WASHC2A: variants seen among roughly 807,000 people sequenced by gnomAD.
The protein encoded by WASHC2A is WASH complex subunit 2A.
In WASHC2A, 82 loss-of-function variants were observed where a neutral mutation model predicts 140.3. The ratio of observed to expected loss-of-function variants is 0.58; its 90% CI spans 0.49 to 0.70. The LOEUF is 0.70. WASHC2A is among the 30% of genes least tolerant of loss of function. WASHC2A has a pLI of 0.00. For missense variants in WASHC2A, 985 were observed against 1,521.8 expected (o/e 0.65, Z 5.87); for synonymous variants, 340 against 560.8 (o/e 0.61, Z 5.56).
intron 19 of WASHC2A, among the ~76,000 whole-genome samples, chr10:50,109,843 C>T (rs1450362482): frequency 6.6e-6 from 1 of 152,200 alleles, no homozygotes; most frequent in African/African-American, 2.4e-5. Flanking sequence ...GATCTCCGTT[C>T]ACTGCAAGCT....
At position 50,095,212 on chromosome 10, in the gene WASHC2A, C is replaced by T. The variant is rs1409142310; in HGVS notation, c.1240+5C>T. 8 of 1,568,874 alleles carry T rather than the reference C, an allele frequency of 5.1e-6. No homozygotes were observed. The East Asian group carries it at 1.6e-4, about 31-fold the overall frequency. Reference sequence around the variant, plus strand: ...GAGCTGTTTCTGTATTTTTAGGTAACATAACTTAGGTTTGTTTTCTAAAAA... The same window carrying T: ...GAGCTGTTTCTGTATTTTTAGGTAATATAACTTAGGTTTGTTTTCTAAAAA... On this transcript the variant is annotated splice_donor_5th_base_variant and intron_variant, in intron 14 of 30. Transcript: ENST00000282633.
intron 14 of WASHC2A, 137 bp downstream of exon 14, chr10:50,095,344 A>G (rs1840371286): frequency 2.1e-6 from 2 of 930,490 alleles, no homozygotes. Flanking sequence ...TCTTATAGAA[A>G]GAGCTCATTT....
Position 50,104,071 on chromosome 10 carries a change from G to A in WASHC2A, c.1665G>A (p.Lys555=). 6.7e-7 allele frequency: 1 copy of A among 1,486,996 alleles called. No homozygotes were observed. The highest frequency in any genetic ancestry group is 9.3e-7 in the Non-Finnish European group (1 of 1,076,794). 92.1% of individuals were successfully genotyped at this position (1,486,996 alleles called of 1,614,324 possible). The change falls in exon 18 of 31, where the codon AAG becomes AAA. Residue 555 remains lysine, a synonymous_variant. Coordinates refer to ENST00000282633, the MANE Select transcript of WASHC2A (RefSeq NM_001005751.3). ...EDLFSSQSAS[K]LKGASLLPGK... is the part of the protein sequence containing the mutation. ...TGTTTTCTTCTCAAAGTGCGAGTAA[G>A]TTAAAAGGTGCGTCTCTGCTGCCTG... is the stretch of plus-strand genomic sequence containing the variant.
chr10:50,107,902 C>G (rs1166144569), intron 19 of WASHC2A, among the ~76,000 whole-genome samples: 2 of 101,256 alleles, frequency 2.0e-5, no homozygotes, highest in African/African-American at 7.4e-5. Flanking sequence ...CCAGCCTGGG[C>G]AACGAGCGAA....
At chr10:50,075,644 T>G (rs1246625948) in intron 3 of WASHC2A, among the ~76,000 whole-genome samples, 1 of 149,248 alleles carries the variant, frequency 6.7e-6, no homozygotes, top group Admixed American at 6.7e-5. Flanking sequence ...TATTGTGTAG[T>G]TGTTCTTTTC....
At chr10:50,126,672 G>GC (rs1411948075) in intron 26 of WASHC2A, among the ~76,000 whole-genome samples, 1 of 152,088 alleles carries the variant, frequency 6.6e-6, no homozygotes, top group African/African-American at 2.4e-5. Context: ...AGTTCCACGT[G>GC]CAGGTGTCCC....
intron 28 of WASHC2A, among the ~76,000 whole-genome samples, chr10:50,129,190 A>G (rs1194044560): frequency 6.6e-6 from 1 of 152,250 alleles, no homozygotes; most frequent in African/African-American, 2.4e-5. Flanking sequence ...AGATTAAAAA[A>G]TGGAGAACTC....
intron 21 of WASHC2A, among the ~76,000 whole-genome samples, chr10:50,116,737 T>C (rs2132962130): frequency 6.6e-6 from 1 of 151,576 alleles, no homozygotes; most frequent in Middle Eastern, 3.4e-3. Flanking sequence ...TTCTTTTATG[T>C]TAAGTTCAAT....
intron 19 of WASHC2A, 85 bp from the exon 20 acceptor site, chr10:50,110,016 C>T (rs1304997565): frequency 1.7e-5 from 21 of 1,269,824 alleles, no homozygotes; most frequent in African/African-American, 3.0e-5. Flanking sequence ...GTGATTCACC[C>T]GCCTCGGCCT....
rs1844084872 is a variant in WASHC2A, at chr10:50,132,659, A to G, written c.3887-147A>G. On this transcript the variant is annotated intron_variant, in intron 30 of 30. Coordinates refer to ENST00000282633, the MANE Select transcript of WASHC2A (RefSeq NM_001005751.3). The stretch of plus-strand genomic sequence containing the variant: ...AATGAGTAACAAACACAGAACCAGA[A>G]TCTAAGAGGCTTGAGTTCTAGGTTA... 2.3e-6 allele frequency: 3 copies of G among 1,321,510 alleles called. No homozygotes were observed. The South Asian group carries it at 3.7e-5, about 16-fold the overall frequency. The allele number at this position is 1,321,510 out of a possible 1,614,324, so 81.9% of individuals were successfully genotyped here. A position where few individuals can be genotyped will look rare whatever the true frequency, so the allele number is the denominator to read the frequency against.
chr10:50,082,956 G>A lies in WASHC2A; in HGVS notation c.529-1116G>A, dbSNP rs1839045516. ...AATTCAACAGTGTGGAACCACTAGGGGGTATTGTTCTTCTGTTTATTGAGT... is the reference window on the plus strand; with the variant it reads ...AATTCAACAGTGTGGAACCACTAGGAGGTATTGTTCTTCTGTTTATTGAGT... On this transcript the variant is annotated intron_variant, in intron 5 of 30. Transcript: ENST00000282633. Among the ~76,000 whole-genome samples the A allele has an allele frequency of 1.7e-5, 2 of 116,786 alleles. 1 individual carries two copies. Among genetic ancestry groups the A allele is most frequent in the Admixed American group, 1.6e-4 (2 of 12,286 alleles). The allele number at this position is 116,786 out of a possible 152,430, so 76.6% of individuals were successfully genotyped here.
chr10:50,094,072 C>T (rs1199864916), intron 13 of WASHC2A, among the ~76,000 whole-genome samples, 155 bp downstream of exon 13: 3 of 152,118 alleles, frequency 2.0e-5, no homozygotes, highest in Non-Finnish European at 4.4e-5. Flanking sequence ...AATTCATCTT[C>T]ACTAATTCAT....
intron 19 of WASHC2A, among the ~76,000 whole-genome samples, chr10:50,108,889 G>GAAAAAA (rs1182148936): frequency 2.5e-4 from 19 of 75,636 alleles, no homozygotes; most frequent in East Asian, 5.5e-4. Context: ...CTCGAAAAAG[G>GAAAAAA]AAAAAAAAAA....
At chr10:50,106,668 T>A (rs1394015687) in intron 19 of WASHC2A, among the ~76,000 whole-genome samples, 2 of 143,396 alleles carry the variant, frequency 1.4e-5, no homozygotes, top group African/African-American at 5.0e-5. Flanking sequence ...TGGTTAGGAA[T>A]AGGTATGACT....
At chr10:50,092,064 T>G (rs1554882997) in intron 10 of WASHC2A, 98 bp from the exon 11 acceptor site, 1 of 1,496,752 alleles carries the variant, frequency 6.7e-7, no homozygotes, top group Non-Finnish European at 9.2e-7. Flanking sequence ...TGTCTTGCTC[T>G]TAGCTGTGAG....
intron 27 of WASHC2A, 101 bp from the exon 28 acceptor site, chr10:50,127,482 G>C: frequency 1.2e-6 from 2 of 1,611,462 alleles, no homozygotes; most frequent in Non-Finnish European, 1.7e-6. Flanking sequence ...TACTCCTCTC[G>C]TATTATACAT....
rs1346528748 is a variant in WASHC2A, at chr10:50,097,771, C to G, written c.1517C>G (p.Thr506Arg). The change falls in exon 16 of 31, where the codon ACA becomes AGA. Residue 506 changes from threonine (T) to arginine (R), a missense_variant. Physicochemically the swap from Thr to Arg is moderately conservative, Grantham distance 71. Coordinates refer to ENST00000282633, the MANE Select transcript of WASHC2A (RefSeq NM_001005751.3). ...TCGCCAGAAGCCACTGTGAGTCAGA[C>G]AGATGAAAATAAAGCAAGAGCAGAA... ...VASPEATVSQ[T>R]DENKARAEKK... The G allele has an allele frequency of 3.7e-6, 6 of 1,605,154 alleles. No individual in the cohort carries two copies. The South Asian group carries it at 4.4e-5, about 12-fold the overall frequency.
At chr10:50,120,194 C>G (rs1199304859) in intron 23 of WASHC2A, among the ~76,000 whole-genome samples, 1 of 148,208 alleles carries the variant, frequency 6.7e-6, no homozygotes, top group Non-Finnish European at 1.5e-5. Flanking sequence ...CATATAATGA[C>G]TATTCTAGCT....
chr10:50,115,854 G>A (rs1463043340), intron 21 of WASHC2A, among the ~76,000 whole-genome samples: 3 of 151,770 alleles, frequency 2.0e-5, no homozygotes, highest in Non-Finnish European at 4.4e-5. Context: ...GGTGGCTCAC[G>A]CCTGTAATCC....
Sources: gnomAD v4.1 joint callset for allele counts (sites outside exome capture counted in the v4.1 genomes callset) on GRCh38, gnomAD v4.1.1 for gene constraint, MANE v1.5 for transcripts, NCBI Gene and HGNC (gene_info 2026-07-23, HGNC 2026-07-21) for gene names.